DHRS4: variants seen among roughly 807,000 people sequenced by gnomAD.
DHRS4 encodes dehydrogenase/reductase 4, also known as dehydrogenase/reductase SDR family member 4.
In DHRS4, 20 loss-of-function variants were observed where a neutral mutation model predicts 28.4. The observed-to-expected ratio is 0.71, with a 90% CI of 0.50 to 1.02. DHRS4 has a LOEUF of 1.02. Among genes scored for constraint, DHRS4 ranks in the 50% least tolerant of loss-of-function variants. The pLI, the probability that DHRS4 is intolerant of heterozygous loss-of-function variation, is 0.00. For synonymous variants in DHRS4, 144 were observed against 146.4 expected (o/e 0.98, Z 0.12); for missense variants, 378 against 367.2 (o/e 1.03, Z -0.24).
intron 1 of DHRS4, 105 bp from the exon 2 acceptor site, chr14:23,954,930 G>A: frequency 1.9e-6 from 3 of 1,555,020 alleles, no homozygotes; most frequent in Non-Finnish European, 2.6e-6. Flanking sequence ...GTTATATAGA[G>A]AAAGAGCCAG....
At chr14:23,954,876 C>T (rs1364118349) in intron 1 of DHRS4, among the ~76,000 whole-genome samples, 159 bp from the exon 2 acceptor site, 2 of 152,236 alleles carry the variant, frequency 1.3e-5, no homozygotes, top group Non-Finnish European at 2.9e-5. Flanking sequence ...CCAAAAATGG[C>T]CATGCCATTA....
chr14:23,960,159 G>A lies in DHRS4; in HGVS notation c.408+156G>A, dbSNP rs745817736. Among the ~76,000 whole-genome samples the A allele has an allele frequency of 8.9e-4, 136 of 152,016 alleles. 1 individual carries two copies. Among genetic ancestry groups the A allele is most frequent in the Admixed American group, 2.0e-3 (30 of 15,284 alleles). The stretch of plus-strand genomic sequence containing the variant: ...ACCTGGAGCACACCTTGCAAAGGGC[G>A]GGTGGGGGTGGCTCTATCCCTGCCC... On this transcript the variant is annotated intron_variant, in intron 3 of 7. Coordinates refer to ENST00000313250, the MANE Select transcript of DHRS4 (RefSeq NM_021004.4).
intron 2 of DHRS4, 67 bp from the exon 3 acceptor site, chr14:23,959,835 T>C: frequency 6.4e-7 from 1 of 1,574,766 alleles, no homozygotes; most frequent in South Asian, 1.1e-5. Context: ...GAAGTTTTTA[T>C]CAACATGGGT....
At chr14:23,956,389 G>A (rs1173890815) in intron 2 of DHRS4, among the ~76,000 whole-genome samples, 1 of 152,162 alleles carries the variant, frequency 6.6e-6, no homozygotes, top group Non-Finnish European at 1.5e-5. Context: ...GCCCAGAGGT[G>A]GTACTTGAGC....
At chr14:23,958,214 T>C (rs894900134) in intron 2 of DHRS4, among the ~76,000 whole-genome samples, 3 of 152,012 alleles carry the variant, frequency 2.0e-5, no homozygotes, top group African/African-American at 7.2e-5. Context: ...GATTTACACA[T>C]TGACAGCCCA....
Position 23,960,030 on chromosome 14 carries a change from C to CGGGGGGG in DHRS4, c.408+29_408+35dup, listed in dbSNP as rs147353351. 4 of 1,037,568 alleles carry CGGGGGGG rather than the reference C, an allele frequency of 3.9e-6. No homozygotes were observed. The African/African-American group carries it at 7.4e-5, about 19-fold the overall frequency. The allele number at this position is 1,037,568 out of a possible 1,614,324, so 64.3% of individuals were successfully genotyped here. A position where few individuals can be genotyped will look rare whatever the true frequency, so the allele number is the denominator to read the frequency against. Reference sequence around the variant, plus strand: ...TGAGAGGGGATTAAAGCAGGGGGGCCGGGGGGGGCGCCTTGGAACACATTC... The same window carrying CGGGGGGG: ...TGAGAGGGGATTAAAGCAGGGGGGCCGGGGGGGGGGGGGGGCGCCTTGGAACACATTC... On this transcript the variant is annotated intron_variant, in intron 3 of 7. Coordinates refer to ENST00000313250, the MANE Select transcript of DHRS4 (RefSeq NM_021004.4).
intron 3 of DHRS4, 25 bp downstream of exon 3, chr14:23,960,028 GC>G: frequency 1.3e-6 from 2 of 1,529,012 alleles, no homozygotes; most frequent in African/African-American, 1.7e-5. Flanking sequence ...AAGCAGGGGG[GC>G]CGGGGGGGGC....
intron 2 of DHRS4, among the ~76,000 whole-genome samples, chr14:23,956,523 G>A (rs58329055): frequency 0.2 from 30,585 of 151,662 alleles, 7,628 homozygotes; most frequent in African/African-American, 0.6. Context: ...TCAGGCCACA[G>A]TGGAGAGCAC....
chr14:23,961,541 T>A (rs951163378), intron 3 of DHRS4, among the ~76,000 whole-genome samples: 1 of 129,978 alleles, frequency 7.7e-6, no homozygotes, highest in Non-Finnish European at 1.6e-5. Flanking sequence ...TTTTTTTTTT[T>A]TTTCCCTCGC....
At chr14:23,967,698 G>A in intron 7 of DHRS4, 1 of 282,866 alleles carries the variant, frequency 3.5e-6, no homozygotes, top group South Asian at 2.4e-5. Context: ...CCTTGCCTAA[G>A]GAGTTACTTT....
chr14:23,953,795 A>G lies in DHRS4; in HGVS notation c.7A>G (p.Lys3Glu). 1 of 1,614,054 alleles carries G rather than the reference A, an allele frequency of 6.2e-7. No homozygotes were observed. Among genetic ancestry groups the G allele is most frequent in the Non-Finnish European group, 8.5e-7 (1 of 1,179,966 alleles). ...ATACTTGCTGGTCTGATCCATGCACAAGGCGGGGCTGCTAGGCCTCTGTGC... is the reference window on the plus strand; with the variant it reads ...ATACTTGCTGGTCTGATCCATGCACGAGGCGGGGCTGCTAGGCCTCTGTGC... MH[K>E]AGLLGLCARA... Residue 3 changes from lysine (K) to glutamate (E), a missense_variant, in exon 1 of 8, where the codon AAG (lysine) becomes GAG (glutamate). By Grantham distance (56) the Lys-to-Glu change is moderately conservative. Coordinates refer to ENST00000313250, the MANE Select transcript of DHRS4 (RefSeq NM_021004.4).
At position 23,957,717 on chromosome 14, in the gene DHRS4, A is replaced by G. The variant is rs548415942; in HGVS notation, c.307-2185A>G. Among the ~76,000 whole-genome samples the G allele has an allele frequency of 2.2e-3, 330 of 148,458 alleles. 4 individuals carry two copies. Among genetic ancestry groups the G allele is most frequent in the South Asian group, 7.1e-3 (33 of 4,618 alleles). On this transcript the variant is annotated intron_variant, in intron 2 of 7. Coordinates refer to ENST00000313250, the MANE Select transcript of DHRS4 (RefSeq NM_021004.4). ...AACTATAGGCATGCACCACCACACCAGTTCATTTTTTAAATTTTTTGTAGA... is the reference window on the plus strand; with the variant it reads ...AACTATAGGCATGCACCACCACACCGGTTCATTTTTTAAATTTTTTGTAGA...
intron 3 of DHRS4, 76 bp from the exon 4 acceptor site, chr14:23,965,686 C>T: frequency 2.4e-6 from 3 of 1,250,472 alleles, no homozygotes; most frequent in African/African-American, 1.5e-5. Context: ...TAGGAACCCA[C>T]TCTAACTCCT....
intron 2 of DHRS4, among the ~76,000 whole-genome samples, chr14:23,955,914 C>A (rs1405023737): frequency 2.0e-5 from 3 of 152,204 alleles, no homozygotes; most frequent in African/African-American, 7.2e-5. Flanking sequence ...AAAGGAAGCT[C>A]CTCTTCCCTT....
chr14:23,954,785 G>T lies in DHRS4; in HGVS notation c.129-250G>T, dbSNP rs564170732. The stretch of plus-strand genomic sequence containing the variant: ...AGAGGGGATGAAGCCTGTCACCCAT[G>T]GTGGGAACTGTAGAAAGTGATGTCA... On this transcript the variant is annotated intron_variant, in intron 1 of 7. Coordinates refer to ENST00000313250, the MANE Select transcript of DHRS4 (RefSeq NM_021004.4). 4.2e-4 allele frequency among the ~76,000 whole-genome samples: 64 copies of T among 152,338 alleles called. No homozygotes were observed. In the Middle Eastern group the frequency reaches 0.017, roughly 40 times the overall value.
intron 1 of DHRS4, 161 bp downstream of exon 1, chr14:23,954,077 A>G: frequency 1.7e-6 from 2 of 1,194,036 alleles, no homozygotes; most frequent in Non-Finnish European, 1.1e-6. Flanking sequence ...GCCACTCCGA[A>G]TCCCCTAGCC....
At chr14:23,954,964 C>A in intron 1 of DHRS4, 71 bp from the exon 2 acceptor site, 1 of 1,596,734 alleles carries the variant, frequency 6.3e-7, no homozygotes, top group South Asian at 1.1e-5. Flanking sequence ...GCAGTCTTAA[C>A]TTCAGAGCTC....
chr14:23,968,253 C>T (rs71204281), intron 7 of DHRS4: 7,802 of 173,224 alleles, frequency 0.045, 338 homozygotes, highest in African/African-American at 0.056. Context: ...TGTCTCCTAA[C>T]TATGCAGTCA....
At chr14:23,965,050 A>C (rs1961181) in intron 3 of DHRS4, among the ~76,000 whole-genome samples, 71 of 151,056 alleles carry the variant, frequency 4.7e-4, no homozygotes, top group East Asian at 2.0e-3. Context: ...CAATTGGTGA[A>C]TCTAAGTGAA....
Sources: gnomAD v4.1 joint callset for allele counts (sites outside exome capture counted in the v4.1 genomes callset) on GRCh38, gnomAD v4.1.1 for gene constraint, MANE v1.5 for transcripts, NCBI Gene and HGNC (gene_info 2026-07-23, HGNC 2026-07-21) for gene names.